Variants in FAM83F observed in about 807,000 individuals in gnomAD.
The protein encoded by FAM83F is protein FAM83F.
Under a neutral mutation model 42.9 loss-of-function variants are expected in FAM83F, and 45 were observed. That is an observed-to-expected ratio of 1.05 (90% CI 0.83 to 1.35). The LOEUF is 1.35. FAM83F is among the 40% of genes most tolerant of loss of function. FAM83F has a pLI of 0.00. For missense variants in FAM83F, 617 were observed against 695.9 expected, an observed-to-expected ratio of 0.89 and a Z score of 1.28; for synonymous variants, 306 against 298.3, an observed-to-expected ratio of 1.03 and a Z score of -0.27.
In FAM83F at chr22:39,995,158, TG is replaced by T; in HGVS notation, c.119del (p.Gly40AlafsTer93). On this transcript the variant is annotated frameshift_variant, in exon 1 of 5. Transcript: ENST00000333407. LOFTEE classifies it high-confidence loss of function. This position sits in a 1 kb window ranked among gnomAD's most constrained non-coding sequence, Gnocchi z 4.6. Reference sequence around the variant, plus strand: ...CGGCGGGCCGCGCTGGAGGCGCTGCTGGGCGGCGGCGAGCAGGCCTACCGCG... The same window carrying T: ...CGGCGGGCCGCGCTGGAGGCGCTGCTGGCGGCGGCGAGCAGGCCTACCGCG... ...ERRRAALEAL[L>X]GGGEQAYRER... The T allele has an allele frequency of 7.2e-7, 1 of 1,392,880 alleles. No homozygotes were observed. 86.3% of individuals were successfully genotyped at this position (1,392,880 alleles called of 1,614,324 possible).
intron 1 of FAM83F, among the ~76,000 whole-genome samples, chr22:40,017,643 C>T (rs141388181): frequency 2.6e-5 from 4 of 152,180 alleles, no homozygotes; most frequent in Admixed American, 6.6e-5. Context: ...CCGGCTGTGG[C>T]ATGGGGATAC....
Position 39,995,585 on chromosome 22 carries a change from G to C in FAM83F, c.489+54G>C, listed in dbSNP as rs1000413418. 1 of 1,474,588 alleles carries C rather than the reference G, an allele frequency of 6.8e-7. No individual in the cohort carries two copies. The highest frequency in any genetic ancestry group is 1.8e-4 in the Middle Eastern group (1 of 5,618). 91.3% of individuals were successfully genotyped at this position (1,474,588 alleles called of 1,614,324 possible). On this transcript the variant is annotated intron_variant, in intron 1 of 4. Transcript: ENST00000333407. This position sits in a 1 kb window ranked among gnomAD's most constrained non-coding sequence, Gnocchi z 4.6. ...CTGGGACCTCGGCCCCAGTCCCCTG[G>C]ACCGGGCCCCACCTCCCAGGCAGGG...
At chr22:40,019,762 T>C in intron 2 of FAM83F, 125 bp from the exon 3 acceptor site, 3 of 1,323,974 alleles carry the variant, frequency 2.3e-6, no homozygotes, top group Non-Finnish European at 3.0e-6. Context: ...AAGCAGAGCG[T>C]CTAGTGAAGA....
chr22:40,010,345 C>T (rs991173944), intron 1 of FAM83F, among the ~76,000 whole-genome samples: 4 of 152,156 alleles, frequency 2.6e-5, no homozygotes, highest in Non-Finnish European at 5.9e-5. Context: ...CCTGACACTG[C>T]GGAGCTGAAT....
At position 40,042,589 on chromosome 22, in the gene FAM83F, A is replaced by C. The variant is rs1601778807; in HGVS notation, c.*13024A>C. On this transcript the variant is annotated 3_prime_UTR_variant, in exon 5 of 5. Coordinates refer to ENST00000333407, the MANE Select transcript of FAM83F (RefSeq NM_138435.4). ...ATGGTTATCTGCTTATCTGCTGGAC[A>C]CCCCTACTCGACTGAGGTCCTTGAA... 6.6e-6 allele frequency: 1 copy of C among 152,094 alleles called. No individual in the cohort carries two copies. The highest frequency in any genetic ancestry group is 2.1e-4 in the South Asian group (1 of 4,834). The allele number at this position is 152,094 out of a possible 1,614,324, so 9.4% of individuals were successfully genotyped here.
intron 1 of FAM83F, among the ~76,000 whole-genome samples, chr22:40,002,623 GC>G (rs912500753): frequency 6.6e-6 from 1 of 152,160 alleles, no homozygotes; most frequent in African/African-American, 2.4e-5. Context: ...TTTTGCCCTG[GC>G]CATCTCTTTC....
In FAM83F at chr22:40,031,745, C is replaced by T. The variant is rs1282211218; in HGVS notation, c.*2180C>T. The T allele has an allele frequency of 1.3e-5, 2 of 152,284 alleles. No individual in the cohort carries two copies. The highest frequency in any genetic ancestry group is 4.8e-5 in the African/African-American group (2 of 41,468). The allele number at this position is 152,284 out of a possible 1,614,324, so 9.4% of individuals were successfully genotyped here. Reference sequence around the variant, plus strand: ...GAGTGCCCAGGCAGGGTGCCTCTCCCTGCTGGCCTGTGTCCTCGTCCTTAT... The same window carrying T: ...GAGTGCCCAGGCAGGGTGCCTCTCCTTGCTGGCCTGTGTCCTCGTCCTTAT... On this transcript the variant is annotated 3_prime_UTR_variant, in exon 5 of 5. Coordinates refer to ENST00000333407, the MANE Select transcript of FAM83F (RefSeq NM_138435.4).
chr22:40,001,410 G>A (rs567753146), intron 1 of FAM83F, among the ~76,000 whole-genome samples: 10 of 152,254 alleles, frequency 6.6e-5, no homozygotes, highest in South Asian at 2.1e-4. Context: ...AGGCCGAGGC[G>A]GGCAGATCGC....
chr22:40,024,632 T>C (rs1601772472), intron 4 of FAM83F, among the ~76,000 whole-genome samples: 1 of 152,210 alleles, frequency 6.6e-6, no homozygotes, highest in African/African-American at 2.4e-5. Flanking sequence ...TGTGTTCTCA[T>C]CTAGAAGGTG....
chr22:40,034,653 A>G lies in FAM83F; in HGVS notation c.*5088A>G, dbSNP rs1163192537. The stretch of plus-strand genomic sequence containing the variant: ...CCTGGCTCAGCTCTGCAGCCACAAT[A>G]TATGCTTAATACCTATTTGTTAAAT... On this transcript the variant is annotated 3_prime_UTR_variant, in exon 5 of 5. Transcript: ENST00000333407. 1 of 152,168 alleles carries G rather than the reference A, an allele frequency of 6.6e-6. No individual in the cohort carries two copies. The highest frequency in any genetic ancestry group is 1.5e-5 in the Non-Finnish European group (1 of 68,032). 9.4% of individuals were successfully genotyped at this position (152,168 alleles called of 1,614,324 possible).
intron 1 of FAM83F, among the ~76,000 whole-genome samples, chr22:39,996,088 C>T (rs1440026281): frequency 1.3e-5 from 2 of 152,166 alleles, no homozygotes; most frequent in Non-Finnish European, 2.9e-5. Flanking sequence ...CCCCAGCTGC[C>T]TGGAATGAAT....
At chr22:40,017,824 G>T (rs1400634358) in intron 1 of FAM83F, among the ~76,000 whole-genome samples, 1 of 152,176 alleles carries the variant, frequency 6.6e-6, no homozygotes, top group African/African-American at 2.4e-5. Flanking sequence ...AAAATACAAG[G>T]TATCCTCACT....
At position 40,033,631 on chromosome 22, in the gene FAM83F, A is replaced by G. The variant is rs2067603137; in HGVS notation, c.*4066A>G. ...CACTCCTTCAGATGAGACCACCAAA[A>G]ATGTCTCCAGATGTTACCACATGTC... On this transcript the variant is annotated 3_prime_UTR_variant, in exon 5 of 5. Coordinates refer to ENST00000333407, the MANE Select transcript of FAM83F (RefSeq NM_138435.4). 1 of 152,194 alleles carries G rather than the reference A, an allele frequency of 6.6e-6. No individual in the cohort carries two copies. Among genetic ancestry groups the G allele is most frequent in the Non-Finnish European group, 1.5e-5 (1 of 68,068 alleles). 9.4% of individuals were successfully genotyped at this position (152,194 alleles called of 1,614,324 possible).
chr22:40,001,496 AGATGT>A (rs2067401646), intron 1 of FAM83F, among the ~76,000 whole-genome samples: 1 of 152,058 alleles, frequency 6.6e-6, no homozygotes, highest in African/African-American at 2.4e-5. Context: ...AAAATTAGCC[AGATGT>A]GGTGGTGTCT....
At chr22:40,000,471 G>T (rs189836248) in intron 1 of FAM83F, among the ~76,000 whole-genome samples, 1 of 152,178 alleles carries the variant, frequency 6.6e-6, no homozygotes, top group Non-Finnish European at 1.5e-5. Context: ...CCTGGCCCCT[G>T]AGTGGAGCCT....
intron 2 of FAM83F, 23 bp from the exon 3 acceptor site, chr22:40,019,864 G>A (rs1192502197): frequency 8.2e-6 from 13 of 1,595,048 alleles, no homozygotes; most frequent in Non-Finnish European, 1.1e-5. Flanking sequence ...CCAGGTGACA[G>A]GGCCTTCTGC....
chr22:40,001,404 C>T (rs1025215917), intron 1 of FAM83F, among the ~76,000 whole-genome samples: 63 of 152,208 alleles, frequency 4.1e-4, no homozygotes, highest in Admixed American at 1.8e-3. Context: ...TTTGGGAGGC[C>T]GAGGCGGGCA....
At position 40,032,744 on chromosome 22, in the gene FAM83F, T is replaced by C. The variant is rs1256093984; in HGVS notation, c.*3179T>C. The C allele has an allele frequency of 6.6e-6, 1 of 151,994 alleles. No homozygotes were observed. Among genetic ancestry groups the C allele is most frequent in the Non-Finnish European group, 1.5e-5 (1 of 68,014 alleles). The allele number at this position is 151,994 out of a possible 1,614,324, so 9.4% of individuals were successfully genotyped here. ...CCACCATGCCTGGCTAATTTTTTTA[T>C]ATTTTTATTAGAGACAGGGTTTCAC... On this transcript the variant is annotated 3_prime_UTR_variant, in exon 5 of 5. Coordinates refer to ENST00000333407, the MANE Select transcript of FAM83F (RefSeq NM_138435.4).
intron 1 of FAM83F, among the ~76,000 whole-genome samples, chr22:40,001,112 A>G (rs1025266303): frequency 6.6e-6 from 1 of 152,170 alleles, no homozygotes; most frequent in Non-Finnish European, 1.5e-5. Flanking sequence ...CGAATTGGCT[A>G]TTGGGTTCTG....
Sources: gnomAD v4.1 joint callset for allele counts (sites outside exome capture counted in the v4.1 genomes callset) on GRCh38, gnomAD v4.1.1 for gene constraint, Gnocchi (gnomAD v3.1) non-coding constraint, MANE v1.5 for transcripts, NCBI Gene and HGNC (gene_info 2026-07-23, HGNC 2026-07-21) for gene names.